INSYN2B: variants seen among roughly 807,000 people sequenced by gnomAD.
INSYN2B encodes protein INSYN2B.
In INSYN2B, 16 loss-of-function variants were observed where a neutral mutation model predicts 41.2. The observed-to-expected ratio is 0.39, with a 90% CI of 0.26 to 0.59. The LOEUF (loss-of-function observed/expected upper bound fraction) is 0.59. INSYN2B is among the 20% of genes least tolerant of loss of function. The probability of loss-of-function intolerance (pLI) is 0.57; values close to 1 mark genes in which losing one functional copy is unlikely to be tolerated. For synonymous variants in INSYN2B, 245 were observed against 244.4 expected (o/e 1.00, Z -0.02); for missense variants, 608 against 646.4 (o/e 0.94, Z 0.64).
At chr5:169,879,236 A>G (rs1772499762) in intron 3 of INSYN2B, among the ~76,000 whole-genome samples, 2 of 152,222 alleles carry the variant, frequency 1.3e-5, no homozygotes, top group Admixed American at 1.3e-4. Context: ...CACTGAGCGC[A>G]TCCATCATCG....
chr5:169,867,634 A>G (rs1771670645), intron 3 of INSYN2B, among the ~76,000 whole-genome samples: 1 of 151,400 alleles, frequency 6.6e-6, no homozygotes, highest in Admixed American at 6.6e-5. Context: ...TCATCTATCT[A>G]TCTATCTATC....
At chr5:169,885,850 T>C (rs1427071136) in intron 1 of INSYN2B, among the ~76,000 whole-genome samples, 1 of 149,700 alleles carries the variant, frequency 6.7e-6, no homozygotes, top group Admixed American at 6.8e-5. Context: ...TTTCCAATAT[T>C]GCATTATCTC....
chr5:169,902,325 G>A (rs1773973986), intron 1 of INSYN2B, among the ~76,000 whole-genome samples: 1 of 152,204 alleles, frequency 6.6e-6, no homozygotes, highest in Admixed American at 6.5e-5. Context: ...TTAAGGCTGT[G>A]CTATTTTATA....
At chr5:169,972,180 A>C (rs1352515316) in intron 1 of INSYN2B, among the ~76,000 whole-genome samples, 1 of 152,210 alleles carries the variant, frequency 6.6e-6, no homozygotes, top group African/African-American at 2.4e-5. Context: ...GTAGTTTCTC[A>C]AATCCTACAT....
chr5:169,952,266 G>A lies in INSYN2B; in HGVS notation c.-919+28011C>T, dbSNP rs370977495. 1.8e-3 allele frequency among the ~76,000 whole-genome samples: 277 copies of A among 152,174 alleles called. 6 individuals carry two copies. In the South Asian group the frequency reaches 0.048, roughly 26 times the overall value. ...GACCTGTTTTTTATTCTATCAACTCGTCCGTATAACAATTTATTGAGAACT... is the reference window on the plus strand; with the variant it reads ...GACCTGTTTTTTATTCTATCAACTCATCCGTATAACAATTTATTGAGAACT... On this transcript the variant is annotated intron_variant, in intron 1 of 3. Coordinates refer to ENST00000377365, the MANE Select transcript of INSYN2B (RefSeq NM_001129891.3).
intron 1 of INSYN2B, among the ~76,000 whole-genome samples, chr5:169,888,635 G>A (rs537019087): frequency 6.6e-6 from 1 of 152,350 alleles, no homozygotes; most frequent in African/African-American, 2.4e-5. Flanking sequence ...GAGGGGTTAA[G>A]TGCATAGGCT....
At chr5:169,940,563 C>T (rs1369898034) in intron 1 of INSYN2B, among the ~76,000 whole-genome samples, 2 of 152,168 alleles carry the variant, frequency 1.3e-5, no homozygotes, top group East Asian at 3.8e-4. Flanking sequence ...GCTTGTTTTT[C>T]TGCAACTAGA....
chr5:169,879,054 G>A (rs1386562370), intron 3 of INSYN2B, among the ~76,000 whole-genome samples: 1 of 152,166 alleles, frequency 6.6e-6, no homozygotes, highest in Non-Finnish European at 1.5e-5. Flanking sequence ...GACCCCACAT[G>A]TCTTGATAAG....
In INSYN2B at chr5:169,925,578, T is replaced by TAAAA. The variant is rs1561828965; in HGVS notation, c.-918-40763_-918-40762insTTTT. 5.6e-4 allele frequency among the ~76,000 whole-genome samples: 18 copies of TAAAA among 32,320 alleles called. 5 individuals carry two copies. Among genetic ancestry groups the TAAAA allele is most frequent in the African/African-American group, 1.8e-3 (14 of 7,834 alleles). 21.2% of individuals were successfully genotyped at this position (32,320 alleles called of 152,430 possible). On this transcript the variant is annotated intron_variant, in intron 1 of 3. Transcript: ENST00000377365. ...CTGGGCGACAGAGCAAGACTCTGTC[T>TAAAA]TAAAAAAAAAAAAAAAAAAAAAAAA...
At chr5:169,977,739 G>A (rs911054982) in intron 1 of INSYN2B, among the ~76,000 whole-genome samples, 11 of 152,128 alleles carry the variant, frequency 7.2e-5, no homozygotes, top group African/African-American at 1.4e-4. Flanking sequence ...AGCCCAGAAC[G>A]CAAGGACAGA....
Position 169,938,368 on chromosome 5 carries a change from G to T in INSYN2B, c.-919+41909C>A, listed in dbSNP as rs985937338. ...TTTCTCATTGTGTGAACATCAGAGT[G>T]TACTCACACGAAGCTAGATGAGAGC... On this transcript the variant is annotated intron_variant, in intron 1 of 3. Transcript: ENST00000377365. Among the ~76,000 whole-genome samples the T allele has an allele frequency of 6.6e-5, 10 of 152,190 alleles. 1 individual carries two copies. In the East Asian group the frequency reaches 1.9e-3, roughly 29 times the overall value.
chr5:169,960,626 T>A (rs1031233072), intron 1 of INSYN2B, among the ~76,000 whole-genome samples: 1 of 152,236 alleles, frequency 6.6e-6, no homozygotes, highest in Non-Finnish European at 1.5e-5. Context: ...CTCAATATTC[T>A]TGGCCATCAT....
chr5:169,966,771 G>A (rs1777315938), intron 1 of INSYN2B, among the ~76,000 whole-genome samples: 1 of 152,154 alleles, frequency 6.6e-6, no homozygotes, highest in Non-Finnish European at 1.5e-5. Context: ...CGGAAAGAAT[G>A]GCCAGGACTC....
chr5:169,869,417 G>A (rs139100103), intron 3 of INSYN2B, among the ~76,000 whole-genome samples: 9 of 152,256 alleles, frequency 5.9e-5, no homozygotes, highest in African/African-American at 1.9e-4. Flanking sequence ...TGTGTGCTTC[G>A]GAAAGAAATT....
At chr5:169,932,875 T>A (rs1490327771) in intron 1 of INSYN2B, among the ~76,000 whole-genome samples, 3 of 151,016 alleles carry the variant, frequency 2.0e-5, no homozygotes, top group Non-Finnish European at 3.0e-5. Flanking sequence ...TAAAAAAAAA[T>A]AACTACAAGA....
intron 1 of INSYN2B, among the ~76,000 whole-genome samples, chr5:169,954,087 C>T (rs1421486995): frequency 1.3e-5 from 2 of 152,290 alleles, no homozygotes; most frequent in Non-Finnish European, 2.9e-5. Context: ...GGAGATTTCA[C>T]CCCACATTTT....
intron 1 of INSYN2B, among the ~76,000 whole-genome samples, chr5:169,967,207 A>T (rs1262968136): frequency 6.6e-6 from 1 of 152,224 alleles, no homozygotes; most frequent in Non-Finnish European, 1.5e-5. Flanking sequence ...GCACAGGGAC[A>T]TGAGAACTCA....
At chr5:169,932,492 T>A (rs1226339048) in intron 1 of INSYN2B, among the ~76,000 whole-genome samples, 1 of 152,192 alleles carries the variant, frequency 6.6e-6, no homozygotes, top group East Asian at 1.9e-4. Flanking sequence ...TGGAACATGC[T>A]TCTGGGTGTC....
chr5:169,913,614 G>T (rs1774720398), intron 1 of INSYN2B, among the ~76,000 whole-genome samples: 1 of 152,196 alleles, frequency 6.6e-6, no homozygotes, highest in South Asian at 2.1e-4. Context: ...GCAGTGGTTT[G>T]TATGCTCTTG....
Sources: allele counts gnomAD v4.1 joint callset (sites outside exome capture counted in the v4.1 genomes callset), GRCh38; gene constraint gnomAD v4.1.1; transcripts MANE v1.5; gene names NCBI Gene and HGNC (gene_info 2026-07-23, HGNC 2026-07-21).